LOXL3: variants seen among roughly 807,000 people sequenced by gnomAD.
The protein encoded by LOXL3 is lysyl oxidase homolog 3.
A neutral mutation model predicts 91.8 loss-of-function variants in LOXL3; 60 were observed. That is an observed-to-expected ratio of 0.65 (90% CI 0.53 to 0.81). The LOEUF (loss-of-function observed/expected upper bound fraction) is 0.81. Ranked by LOEUF, LOXL3 falls within the 30% of genes least tolerant of loss-of-function variation. The pLI is 0.00. For synonymous variants in LOXL3, 355 were observed against 387.6 expected, an observed-to-expected ratio of 0.92 and a Z score of 0.99; for missense variants, 874 against 1,000.4, an observed-to-expected ratio of 0.87 and a Z score of 1.70.
chr2:74,534,847 T>TGTGA, intron 9 of LOXL3, 73 bp from the exon 10 acceptor site: 1 of 1,525,690 alleles, frequency 6.6e-7, no homozygotes, highest in Non-Finnish European at 8.9e-7. Context: ...CATCCCTCCC[T>TGTGA]AGTGTGTAAG....
Position 74,552,441 on chromosome 2 carries a change from T to G in LOXL3, c.194A>C (p.Glu65Ala), listed in dbSNP as rs751949995. ...EGRVEIQRAG[E>A]WGTICDDDFT... ...GTCATCATCGCAGATGGTGCCCCAT[T>G]CACCAGCTCGCTGTATCTCCACGCG... The change falls in exon 2 of 14, where the codon GAA becomes GCA. Residue 65 changes from glutamate to alanine, a missense_variant. Physicochemically the swap from Glu to Ala is moderately radical, Grantham distance 107. Coordinates refer to ENST00000264094, the MANE Select transcript of LOXL3 (RefSeq NM_032603.5). 1.9e-6 allele frequency: 3 copies of G among 1,613,874 alleles called. No homozygotes were observed. The highest frequency in any genetic ancestry group is 2.5e-6 in the Non-Finnish European group (3 of 1,179,926).
upstream of LOXL3, chr2:74,555,468 C>T: frequency 6.2e-7 from 1 of 1,607,662 alleles, no homozygotes; most frequent in African/African-American, 1.3e-5. The surrounding 1 kb of genome is among the most constrained non-coding windows in gnomAD (Gnocchi z 6.1). Flanking sequence ...GGAGCTGCGG[C>T]GATGCGGGGT....
In LOXL3 at chr2:74,536,600, G is replaced by A. The variant is rs1676037523; in HGVS notation, c.912+109C>T. 17 of 1,455,324 alleles carry A rather than the reference G, an allele frequency of 1.2e-5. No homozygotes were observed. The highest frequency in any genetic ancestry group is 1.1e-5 in the Non-Finnish European group (12 of 1,058,094). 90.2% of individuals were successfully genotyped at this position (1,455,324 alleles called of 1,614,324 possible). On this transcript the variant is annotated intron_variant, in intron 5 of 13. Coordinates refer to ENST00000264094, the MANE Select transcript of LOXL3 (RefSeq NM_032603.5). The surrounding 1 kb of genome is among the most constrained non-coding windows in gnomAD (Gnocchi z 4.5). ...GTATCAGGTCTGTGGCCCACCCCCT[G>A]GAAGGCTCCTCTCTGTCCTCAAAGG...
Position 74,533,293 on chromosome 2 carries a change from C to T in LOXL3, c.*313G>A, listed in dbSNP as rs1202235708. Reference sequence around the variant, plus strand: ...ATACTGGAGCTGACCATCCTGACCTCCTATTAAAGAAAATGAGCTGCTGCC... The same window carrying T: ...ATACTGGAGCTGACCATCCTGACCTTCTATTAAAGAAAATGAGCTGCTGCC... On this transcript the variant is annotated 3_prime_UTR_variant, in exon 14 of 14. Coordinates refer to ENST00000264094, the MANE Select transcript of LOXL3 (RefSeq NM_032603.5). The T allele has an allele frequency of 5.6e-6, 3 of 531,540 alleles. No homozygotes were observed. The highest frequency in any genetic ancestry group is 3.3e-6 in the Non-Finnish European group (1 of 299,096). 32.9% of individuals were successfully genotyped at this position (531,540 alleles called of 1,614,324 possible).
upstream of LOXL3, chr2:74,555,173 C>T (rs758433116): frequency 1.2e-6 from 2 of 1,612,726 alleles, no homozygotes; most frequent in South Asian, 2.2e-5. The surrounding 1 kb of genome is among the most constrained non-coding windows in gnomAD (Gnocchi z 6.1). Flanking sequence ...AAGACCTGGG[C>T]CGTGCTCTAC....
chr2:74,554,859 G>C (rs1244948907), upstream of LOXL3: 5 of 1,609,990 alleles, frequency 3.1e-6, no homozygotes, highest in Admixed American at 8.4e-5. This position sits in a 1 kb window ranked among gnomAD's most constrained non-coding sequence, Gnocchi z 4.9. Flanking sequence ...GCTAGTAGTG[G>C]GTGAGAGAGC....
rs1558617618 is a variant in LOXL3 at position 74,534,738 on chromosome 2, T to TGCACCAGTGCTGAGTGCA, written c.1598_1615dup (p.Leu533_Val538dup). The TGCACCAGTGCTGAGTGCA allele has an allele frequency of 6.2e-7, 1 of 1,614,102 alleles. No individual in the cohort carries two copies. On this transcript the variant is annotated inframe_insertion, in exon 10 of 14. Coordinates refer to ENST00000264094, the MANE Select transcript of LOXL3 (RefSeq NM_032603.5). ...CCGGTCTTCGATGTAGGCGGTCTCC[T>TGCACCAGTGCTGAGTGCA]GCACCAGTGCTGAGTGCAGCAACAG...
Position 74,536,260 on chromosome 2 carries a change from C to T in LOXL3, c.1093+31G>A. ...GCCCCCCAGGAGCATGTACCTCCTT[C>T]CCTCTCCCTCCCACCTCCATGCCAC... On this transcript the variant is annotated intron_variant, in intron 6 of 13. Coordinates refer to ENST00000264094, the MANE Select transcript of LOXL3 (RefSeq NM_032603.5). This position sits in a 1 kb window ranked among gnomAD's most constrained non-coding sequence, Gnocchi z 4.5. The T allele has an allele frequency of 6.2e-7, 1 of 1,612,758 alleles. No homozygotes were observed. The highest frequency in any genetic ancestry group is 1.1e-5 in the South Asian group (1 of 91,012).
In LOXL3 at chr2:74,532,739, A is replaced by G. The variant is rs545012615; in HGVS notation, c.*867T>C. The G allele has an allele frequency of 6.2e-7, 1 of 1,612,420 alleles. No homozygotes were observed. Among genetic ancestry groups the G allele is most frequent in the African/African-American group, 1.3e-5 (1 of 74,982 alleles). ...GGTGAGGGAGAGGCTGCAGTGTGAT[A>G]TGGGGATGGGCAAGGTGTGCATGTG... On this transcript the variant is annotated 3_prime_UTR_variant, in exon 14 of 14. Coordinates refer to ENST00000264094, the MANE Select transcript of LOXL3 (RefSeq NM_032603.5).
rs1381447228 is a variant in LOXL3 at position 74,550,186 on chromosome 2, T to C, written c.476A>G (p.Glu159Gly). The C allele has an allele frequency of 6.2e-7, 1 of 1,612,890 alleles. No homozygotes were observed. The highest frequency in any genetic ancestry group is 8.5e-7 in the Non-Finnish European group (1 of 1,179,260). Residue 159 changes from glutamate to glycine, a missense_variant and splice_region_variant, in exon 3 of 14, where the codon GAG becomes GGG. Physicochemically the swap from Glu to Gly is moderately conservative, Grantham distance 98. Coordinates refer to ENST00000264094, the MANE Select transcript of LOXL3 (RefSeq NM_032603.5). ...TGTGTATGTCTAGGAAATGCAGACCTCAATGACATTGGAGTCCGAGAAGCC... is the reference window on the plus strand; with the variant it reads ...TGTGTATGTCTAGGAAATGCAGACCCCAATGACATTGGAGTCCGAGAAGCC... ...LPGFSDSNVI[E>G]VEHHLQVEEV...
In LOXL3 at chr2:74,535,311, A is replaced by G; in HGVS notation, c.1560T>C (p.Ala520=). ...ACTCACTCTCAGAACAGATGACTCC[A>G]GCAGTGAAGCGGGTCCCTGTCCTCT... ...TCKRTGTRFT[A]GVICSETASD... is the part of the protein sequence containing the mutation. The change falls in exon 9 of 14, where the codon GCT becomes GCC. Residue 520 remains alanine (A), a synonymous_variant. Coordinates refer to ENST00000264094, the MANE Select transcript of LOXL3 (RefSeq NM_032603.5). The surrounding 1 kb of genome is among the most constrained non-coding windows in gnomAD (Gnocchi z 4.2). The G allele has an allele frequency of 6.2e-7, 1 of 1,613,886 alleles. No individual in the cohort carries two copies. The highest frequency in any genetic ancestry group is 8.5e-7 in the Non-Finnish European group (1 of 1,179,948).
rs1001517512 is a variant in LOXL3, at chr2:74,549,934, C to G, written c.477+251G>C. 3.7e-5 allele frequency: 36 copies of G among 985,330 alleles called. No homozygotes were observed. The highest frequency in any genetic ancestry group is 3.9e-5 in the Non-Finnish European group (32 of 829,932). 61.0% of individuals were successfully genotyped at this position (985,330 alleles called of 1,614,324 possible). The stretch of plus-strand genomic sequence containing the variant: ...CAGGAACATTTGAGGAGAAGGAGAG[C>G]ACCAGGTGCCCCAGGGGTGACTAGG... On this transcript the variant is annotated intron_variant, in intron 3 of 13. Coordinates refer to ENST00000264094, the MANE Select transcript of LOXL3 (RefSeq NM_032603.5). This position sits in a 1 kb window ranked among gnomAD's most constrained non-coding sequence, Gnocchi z 5.3.
At chr2:74,552,722 G>A in intron 1 of LOXL3, 76 bp from the exon 2 acceptor site, 1 of 1,293,096 alleles carries the variant, frequency 7.7e-7, no homozygotes, top group Non-Finnish European at 1.0e-6. Context: ...AGAGGGAGAA[G>A]TCACGAAAGA....
intron 10 of LOXL3, 50 bp from the exon 11 acceptor site, chr2:74,534,481 G>A: frequency 6.2e-7 from 1 of 1,613,562 alleles, no homozygotes; most frequent in South Asian, 1.1e-5. Flanking sequence ...CAGAAGGTTT[G>A]CCCCATCCCC....
In LOXL3 at chr2:74,536,029, C is replaced by G; in HGVS notation, c.1215G>C (p.Arg405=). The G allele has an allele frequency of 6.3e-7, 1 of 1,597,742 alleles. No homozygotes were observed. The part of the protein sequence containing the change: ...DCSHSQDAGV[R]CNLPYTGAET... ...CTGCCCCAGTGTAAGGTAGGTTGCACCGGACCCCGGCATCCTGGCTATGTG... is the reference window on the plus strand; with the variant it reads ...CTGCCCCAGTGTAAGGTAGGTTGCAGCGGACCCCGGCATCCTGGCTATGTG... The change falls in exon 7 of 14, where the codon CGG becomes CGC. Residue 405 remains arginine (R), a synonymous_variant. Transcript: ENST00000264094. This position sits in a 1 kb window ranked among gnomAD's most constrained non-coding sequence, Gnocchi z 4.5.
Position 74,534,531 on chromosome 2 carries a change from C to A in LOXL3, c.1823G>T (p.Gly608Val). ...TCTACTTGACTCCCTACCCTCTCAC[C>A]CATGGCACTCGTGCCACACCCAGGA... ...RHSWVWHECHGHYHSMDIFTH... is the reference protein window; with the variant it reads ...RHSWVWHECHVHYHSMDIFTH... Residue 608 changes from glycine to valine, a missense_variant and splice_region_variant, in exon 10 of 14, where the codon GGG becomes GTG. Coordinates refer to ENST00000264094, the MANE Select transcript of LOXL3 (RefSeq NM_032603.5). 2 of 1,614,164 alleles carry A rather than the reference C, an allele frequency of 1.2e-6. No individual in the cohort carries two copies. Among genetic ancestry groups the A allele is most frequent in the Non-Finnish European group, 1.7e-6 (2 of 1,179,984 alleles).
At chr2:74,543,531 C>T (rs761439121) in intron 4 of LOXL3, among the ~76,000 whole-genome samples, 1 of 152,136 alleles carries the variant, frequency 6.6e-6, no homozygotes, top group African/African-American at 2.4e-5. Flanking sequence ...GTCAATTTTA[C>T]TTCTAAATAT....
In LOXL3 at chr2:74,532,390, ATTGAT is replaced by A. The variant is rs1323057254; in HGVS notation, c.*1211_*1215del. On this transcript the variant is annotated 3_prime_UTR_variant, in exon 14 of 14. Transcript: ENST00000264094. The stretch of plus-strand genomic sequence containing the variant: ...AGTATTCTAGAATGACATTAGTGCT[ATTGAT>A]TTAACACTGTTTGTCATTTGGTGCC... 1.4e-4 allele frequency: 79 copies of A among 566,442 alleles called. No individual in the cohort carries two copies. In the Admixed American group the frequency reaches 1.9e-3, roughly 14 times the overall value. 35.1% of individuals were successfully genotyped at this position (566,442 alleles called of 1,614,324 possible).
At chr2:74,538,027 T>C (rs1022475945) in intron 4 of LOXL3, among the ~76,000 whole-genome samples, 5 of 152,172 alleles carry the variant, frequency 3.3e-5, no homozygotes, top group African/African-American at 1.2e-4. Context: ...GAAAAGTTTA[T>C]ACACAAAACA....
Sources: allele counts gnomAD v4.1 joint callset (sites outside exome capture counted in the v4.1 genomes callset), GRCh38; gene constraint gnomAD v4.1.1; non-coding constraint Gnocchi (gnomAD v3.1); transcripts MANE v1.5; gene names NCBI Gene and HGNC (gene_info 2026-07-23, HGNC 2026-07-21).